Variants in EXD2 observed in about 807,000 individuals in gnomAD.
The protein encoded by EXD2 is exonuclease 3'-5' domain containing 2.
EXD2 carries 40 observed loss-of-function variants against 62.5 expected under a neutral mutation model. The ratio of observed to expected loss-of-function variants is 0.64; its 90% CI spans 0.50 to 0.83. The LOEUF (loss-of-function observed/expected upper bound fraction) is 0.83, where lower values mean the gene tolerates loss of function less well. Ranked by LOEUF, EXD2 falls within the 40% of genes least tolerant of loss-of-function variation. The pLI is 0.00. For missense variants in EXD2, 671 were observed against 761.8 expected (o/e 0.88, Z 1.40); for synonymous variants, 239 against 291.9 (o/e 0.82, Z 1.85).
chr14:69,201,687 T>G (rs1419170292), intron 1 of EXD2, among the ~76,000 whole-genome samples: 6 of 136,936 alleles, frequency 4.4e-5, no homozygotes, highest in African/African-American at 8.5e-5. Flanking sequence ...TTTTTTTTTT[T>G]TTTTTTTTTT....
chr14:69,230,426 T>A (rs746797580), intron 4 of EXD2, 46 bp from the exon 5 acceptor site: 2 of 1,410,540 alleles, frequency 1.4e-6, no homozygotes, highest in Non-Finnish European at 2.0e-6. Flanking sequence ...TTCTTGTCCA[T>A]GTCCTTTGCC....
rs750545714 is a variant in EXD2, at chr14:69,228,804, CCT to C, written c.334-9_334-8del. ...CAGGTGTGAACCACAACCTTGTCTTCCTCTGTTGCAGGTAAATTTGGAAGGCA... is the reference window on the plus strand; with the variant it reads ...CAGGTGTGAACCACAACCTTGTCTTCCTGTTGCAGGTAAATTTGGAAGGCA... On this transcript the variant is annotated splice_polypyrimidine_tract_variant and intron_variant, in intron 3 of 9. Coordinates refer to ENST00000685843, the MANE Select transcript of EXD2 (RefSeq NM_001193360.2). 9 of 1,605,266 alleles carry C rather than the reference CCT, an allele frequency of 5.6e-6. No homozygotes were observed. Among genetic ancestry groups the C allele is most frequent in the Non-Finnish European group, 7.7e-6 (9 of 1,175,610 alleles).
chr14:69,229,105 G>A (rs1183921228), intron 4 of EXD2, 33 bp downstream of exon 4: 1 of 1,608,092 alleles, frequency 6.2e-7, no homozygotes, highest in Non-Finnish European at 8.5e-7. Context: ...GATTCCTATA[G>A]CTGCGGGACA....
intron 2 of EXD2, among the ~76,000 whole-genome samples, chr14:69,205,718 T>G (rs2042570171): frequency 6.6e-6 from 1 of 152,030 alleles, no homozygotes; most frequent in Non-Finnish European, 1.5e-5. Context: ...TCCTGTATGT[T>G]TCCTATGTGG....
chr14:69,226,092 A>G (rs1228103364), intron 3 of EXD2, among the ~76,000 whole-genome samples: 3 of 152,244 alleles, frequency 2.0e-5, no homozygotes, highest in Non-Finnish European at 4.4e-5. Flanking sequence ...CAAATATTGA[A>G]CCTTAGGAAT....
rs771585469 is a variant in EXD2 at position 69,237,880 on chromosome 14, C to G, written c.1598C>G (p.Thr533Arg). 1.9e-6 allele frequency: 3 copies of G among 1,602,100 alleles called. No homozygotes were observed. Among genetic ancestry groups the G allele is most frequent in the Non-Finnish European group, 2.6e-6 (3 of 1,174,980 alleles). ...LLQALREFYN[T>R]DVVTEEMLQE... Reference sequence around the variant, plus strand: ...CAAGCACTCAGAGAGTTTTATAACACAGACGTGGTCACAGAGGAGATGCTT... The same window carrying G: ...CAAGCACTCAGAGAGTTTTATAACAGAGACGTGGTCACAGAGGAGATGCTT... Residue 533 changes from threonine to arginine, a missense_variant, in exon 9 of 10, where the codon ACA (threonine) becomes AGA (arginine). Thr to Arg is a moderately conservative substitution (Grantham distance 71). Coordinates refer to ENST00000685843, the MANE Select transcript of EXD2 (RefSeq NM_001193360.2).
rs115167202 is a variant in EXD2, at chr14:69,230,373, A to C, written c.591-99A>C. 2.0e-3 allele frequency: 1,310 copies of C among 663,294 alleles called. 2 individuals carry two copies. The highest frequency in any genetic ancestry group is 0.014 in the African/African-American group (798 of 55,652). 41.1% of individuals were successfully genotyped at this position (663,294 alleles called of 1,614,324 possible). A position where few individuals can be genotyped will look rare whatever the true frequency, so the allele number is the denominator to read the frequency against. ...TCTTCGATTTCTAGTGAGATTCAGTATGTTATCTCTGTTTATTGGCCATTT... is the reference window on the plus strand; with the variant it reads ...TCTTCGATTTCTAGTGAGATTCAGTCTGTTATCTCTGTTTATTGGCCATTT... On this transcript the variant is annotated intron_variant, in intron 4 of 9. Transcript: ENST00000685843.
chr14:69,206,455 C>CCTTTTTTTTTT (rs60787528), intron 2 of EXD2, among the ~76,000 whole-genome samples: 2,176 of 94,626 alleles, frequency 0.023, 634 homozygotes, highest in African/African-American at 0.047. Flanking sequence ...CACCCACCCA[C>CCTTTTTTTTTT]TTTTTTTTTT....
At chr14:69,191,656 C>G (rs1159316826) in intron 1 of EXD2, 65 bp downstream of exon 1, 10 of 152,588 alleles carry the variant, frequency 6.6e-5, no homozygotes, top group Admixed American at 3.3e-4. Flanking sequence ...GGGGGTGCTT[C>G]CAGTGCAGAC....
At chr14:69,204,640 A>G (rs1348537558) in intron 2 of EXD2, among the ~76,000 whole-genome samples, 1 of 152,194 alleles carries the variant, frequency 6.6e-6, no homozygotes. Flanking sequence ...TTAGTGAGGG[A>G]TCGAAAAGCT....
At chr14:69,231,915 A>T (rs2043597193) in intron 5 of EXD2, among the ~76,000 whole-genome samples, 1 of 146,768 alleles carries the variant, frequency 6.8e-6, no homozygotes, top group African/African-American at 2.7e-5. Flanking sequence ...GCAGTAAAAA[A>T]AAAAAAAAAA....
At chr14:69,225,665 C>T (rs1408691197) in intron 3 of EXD2, among the ~76,000 whole-genome samples, 4 of 152,026 alleles carry the variant, frequency 2.6e-5, no homozygotes, top group Non-Finnish European at 2.9e-5. Context: ...GAAATTAAAA[C>T]GTGTCACTTT....
chr14:69,201,672 G>GTTTTTTT (rs71102634), intron 1 of EXD2, among the ~76,000 whole-genome samples: 5 of 58,994 alleles, frequency 8.5e-5, no homozygotes, highest in Non-Finnish European at 9.1e-5. Flanking sequence ...TGTTTTCTCT[G>GTTTTTTT]TTTTTTTTTT....
At chr14:69,201,039 A>G (rs983813995) in intron 1 of EXD2, among the ~76,000 whole-genome samples, 3 of 151,260 alleles carry the variant, frequency 2.0e-5, no homozygotes, top group Admixed American at 6.6e-5. Flanking sequence ...GTGCCATTGC[A>G]CTCCAGCCGG....
At chr14:69,204,760 T>A (rs2042530078) in intron 2 of EXD2, among the ~76,000 whole-genome samples, 1 of 152,184 alleles carries the variant, frequency 6.6e-6, no homozygotes, top group East Asian at 1.9e-4. Flanking sequence ...GTTAAAAAAC[T>A]TTTTTCATTT....
At chr14:69,227,301 G>A (rs923297259) in intron 3 of EXD2, among the ~76,000 whole-genome samples, 1 of 152,158 alleles carries the variant, frequency 6.6e-6, no homozygotes, top group African/African-American at 2.4e-5. Context: ...TAGGGACTGG[G>A]AAATTTAGGT....
chr14:69,222,154 G>A (rs752677215), intron 3 of EXD2, among the ~76,000 whole-genome samples: 6 of 150,812 alleles, frequency 4.0e-5, no homozygotes, highest in Admixed American at 6.6e-5. Flanking sequence ...ACCCCATTTG[G>A]TAGATAACTA....
At position 69,241,378 on chromosome 14, in the gene EXD2, C is replaced by T. The variant is rs1194046379; in HGVS notation, c.*278C>T. ...TTTTTACTCTCCCTCTTCTGCTGTC[C>T]CTGTGCAGAGGAAAAATGAAGAATT... is the stretch of plus-strand genomic sequence containing the variant. On this transcript the variant is annotated 3_prime_UTR_variant, in exon 10 of 10. Coordinates refer to ENST00000685843, the MANE Select transcript of EXD2 (RefSeq NM_001193360.2). The T allele has an allele frequency of 8.0e-6, 3 of 373,244 alleles. No homozygotes were observed. The highest frequency in any genetic ancestry group is 4.1e-5 in the African/African-American group (2 of 49,344). The allele number at this position is 373,244 out of a possible 1,614,324, so 23.1% of individuals were successfully genotyped here.
chr14:69,237,190 C>CT (rs1344945434), intron 8 of EXD2, among the ~76,000 whole-genome samples: 1 of 152,184 alleles, frequency 6.6e-6, no homozygotes, highest in Non-Finnish European at 1.5e-5. Flanking sequence ...AGGAAATTGG[C>CT]TTTTTCAGGT....
Sources: gnomAD v4.1 joint callset for allele counts (sites outside exome capture counted in the v4.1 genomes callset) on GRCh38, gnomAD v4.1.1 for gene constraint, MANE v1.5 for transcripts, NCBI Gene and HGNC (gene_info 2026-07-23, HGNC 2026-07-21) for gene names.